MYO1B: variants seen among roughly 807,000 people sequenced by gnomAD.
The protein encoded by MYO1B is unconventional myosin-Ib.
MYO1B carries 72 observed loss-of-function variants against 159.7 expected under a neutral mutation model. That is an observed-to-expected ratio of 0.45 (90% CI 0.37 to 0.55). MYO1B has a LOEUF of 0.55. MYO1B is among the 20% of genes least tolerant of loss of function. MYO1B has a pLI of 0.00. For missense variants in MYO1B, 1,062 were observed against 1,364.8 expected (o/e 0.78, Z 3.50); for synonymous variants, 468 against 473.8 (o/e 0.99, Z 0.16).
intron 2 of MYO1B, among the ~76,000 whole-genome samples, chr2:191,280,844 T>C (rs1688016858): frequency 6.6e-6 from 1 of 152,160 alleles, no homozygotes; most frequent in East Asian, 1.9e-4. Flanking sequence ...GCTTTTTTGA[T>C]GTTGATGTCA....
intron 15 of MYO1B, among the ~76,000 whole-genome samples, chr2:191,384,772 A>G (rs1695302387): frequency 6.6e-6 from 1 of 152,236 alleles, no homozygotes; most frequent in African/African-American, 2.4e-5. Flanking sequence ...GAACAGTGGT[A>G]ATACACTTAA....
chr2:191,268,487 C>T (rs763638831), intron 1 of MYO1B, among the ~76,000 whole-genome samples: 3 of 152,094 alleles, frequency 2.0e-5, no homozygotes, highest in Non-Finnish European at 2.9e-5. Flanking sequence ...GCATTCAGTC[C>T]GTAAGATTTG....
At chr2:191,371,197 A>G (rs889419846) in intron 13 of MYO1B, among the ~76,000 whole-genome samples, 15 of 152,142 alleles carry the variant, frequency 9.9e-5, no homozygotes, top group Non-Finnish European at 1.8e-4. Flanking sequence ...ATTCTCCTCC[A>G]CAAGTAAGAT....
intron 11 of MYO1B, among the ~76,000 whole-genome samples, chr2:191,368,457 A>G (rs1421206734): frequency 6.6e-6 from 1 of 152,146 alleles, no homozygotes; most frequent in Non-Finnish European, 1.5e-5. Flanking sequence ...TACTTACTGT[A>G]TGCTCTGGGC....
intron 7 of MYO1B, among the ~76,000 whole-genome samples, chr2:191,353,108 C>T (rs1237767465): frequency 6.6e-6 from 1 of 152,124 alleles, no homozygotes; most frequent in Admixed American, 6.5e-5. Context: ...CTGGGACTCA[C>T]TTGAAAACTA....
intron 16 of MYO1B, 96 bp downstream of exon 16, chr2:191,386,180 G>T (rs779592850): frequency 4.4e-6 from 5 of 1,146,316 alleles, no homozygotes; most frequent in Non-Finnish European, 6.3e-6. Context: ...CCATTAACTT[G>T]TGAGGACAAA....
intron 2 of MYO1B, among the ~76,000 whole-genome samples, chr2:191,279,207 A>G (rs992204608): frequency 2.6e-5 from 4 of 152,210 alleles, no homozygotes; most frequent in African/African-American, 9.6e-5. Context: ...ATTCAGGGCT[A>G]CTGTTTCCAT....
intron 23 of MYO1B, 148 bp downstream of exon 23, chr2:191,400,983 C>T (rs1211127362): frequency 1.4e-6 from 1 of 719,916 alleles, no homozygotes; most frequent in Non-Finnish European, 2.3e-6. Flanking sequence ...CACCTGGAAA[C>T]ATTAGTTCAG....
chr2:191,359,807 T>G (rs553506182), intron 7 of MYO1B, among the ~76,000 whole-genome samples: 15 of 152,194 alleles, frequency 9.9e-5, no homozygotes, highest in Non-Finnish European at 2.9e-5. Context: ...TAGTTGAAGT[T>G]TGCCTTTGCC....
chr2:191,395,885 T>C (rs1022455061), intron 20 of MYO1B, among the ~76,000 whole-genome samples: 1 of 152,282 alleles, frequency 6.6e-6, no homozygotes, highest in Non-Finnish European at 1.5e-5. Context: ...CTCATGGTCC[T>C]ATTAAAAGGC....
At chr2:191,351,364 C>G (rs1347982361) in intron 7 of MYO1B, among the ~76,000 whole-genome samples, 2 of 152,060 alleles carry the variant, frequency 1.3e-5, no homozygotes, top group African/African-American at 4.8e-5. Context: ...AATCCCGGCA[C>G]TCTCAGATGC....
At chr2:191,254,649 G>T (rs1177621807) in intron 1 of MYO1B, among the ~76,000 whole-genome samples, 2 of 152,164 alleles carry the variant, frequency 1.3e-5, no homozygotes, top group East Asian at 1.9e-4. Context: ...AGGACTATTG[G>T]TGTGCGCCTC....
In MYO1B at chr2:191,376,633, A is replaced by G. The variant is rs147557043; in HGVS notation, c.1186-4829A>G. Reference sequence around the variant, plus strand: ...GCCAGCATGTTATATTCAAAATTTGACCTCAAATCAAAGTGCTGAACTATA... The same window carrying G: ...GCCAGCATGTTATATTCAAAATTTGGCCTCAAATCAAAGTGCTGAACTATA... On this transcript the variant is annotated intron_variant, in intron 13 of 30. Transcript: ENST00000392318. 5.4e-3 allele frequency among the ~76,000 whole-genome samples: 820 copies of G among 152,292 alleles called. 6 individuals carry two copies. Among genetic ancestry groups the G allele is most frequent in the Middle Eastern group, 0.017 (5 of 294 alleles).
chr2:191,383,297 C>G lies in MYO1B; in HGVS notation c.1308C>G (p.His436Gln), dbSNP rs754316577. 6.3e-7 allele frequency: 1 copy of G among 1,577,638 alleles called. No individual in the cohort carries two copies. Among genetic ancestry groups the G allele is most frequent in the South Asian group, 1.2e-5 (1 of 85,164 alleles). Residue 436 changes from histidine to glutamine, a missense_variant, in exon 15 of 31, where the codon CAC becomes CAG. Coordinates refer to ENST00000392318, the MANE Select transcript of MYO1B (RefSeq NM_001130158.3). Reference protein sequence around the residue: ...EYIREDIEWTHIDYFNNAIIC... With the variant: ...EYIREDIEWTQIDYFNNAIIC... ...TCTTTTAGGATATAGAATGGACTCA[C>G]ATTGACTACTTCAATAATGCTATCA...
At chr2:191,413,998 G>T (rs751685240) in intron 27 of MYO1B, 50 bp from the exon 28 acceptor site, 3 of 1,537,244 alleles carry the variant, frequency 2.0e-6, no homozygotes, top group Admixed American at 4.2e-5. Context: ...TTTTTTAGTG[G>T]TACTTTCATT....
intron 24 of MYO1B, among the ~76,000 whole-genome samples, chr2:191,404,734 A>T (rs548346394): frequency 1.3e-5 from 2 of 152,360 alleles, no homozygotes; most frequent in East Asian, 3.9e-4. Flanking sequence ...TCTATTAAGT[A>T]TCTAATAGCC....
At chr2:191,390,241 A>G (rs1194068827) in intron 17 of MYO1B, 51 bp from the exon 18 acceptor site, 6 of 1,525,052 alleles carry the variant, frequency 3.9e-6, no homozygotes, top group South Asian at 2.4e-5. Context: ...AACATAGACA[A>G]TTATATCCAT....
chr2:191,352,744 G>A (rs771511051), intron 7 of MYO1B, among the ~76,000 whole-genome samples: 3 of 152,164 alleles, frequency 2.0e-5, no homozygotes, highest in Non-Finnish European at 2.9e-5. Context: ...AGTGGTAAGA[G>A]CAGGAAATTT....
intron 5 of MYO1B, among the ~76,000 whole-genome samples, chr2:191,344,829 CAAAAAAAAA>C (rs10646926): frequency 5.3e-4 from 30 of 56,158 alleles, no homozygotes; most frequent in African/African-American, 1.6e-3. Flanking sequence ...GACTCCGTCT[CAAAAAAAAA>C]AAAAAAAAAA....
Sources: gnomAD v4.1 joint callset for allele counts (sites outside exome capture counted in the v4.1 genomes callset) on GRCh38, gnomAD v4.1.1 for gene constraint, MANE v1.5 for transcripts, NCBI Gene and HGNC (gene_info 2026-07-23, HGNC 2026-07-21) for gene names.